The following FRAS1 variants were observed in gnomAD, a reference collection of about 807,000 sequenced individuals.
FRAS1 encodes the protein extracellular matrix organizing protein FRAS1.
In FRAS1, 290 loss-of-function variants were observed where a neutral mutation model predicts 435.2. The ratio of observed to expected loss-of-function variants is 0.67; its 90% CI spans 0.61 to 0.73. The LOEUF (loss-of-function observed/expected upper bound fraction) is 0.73, where lower values mean the gene tolerates loss of function less well. Among genes scored for constraint, FRAS1 ranks in the 30% least tolerant of loss-of-function variants. FRAS1 has a pLI of 0.00. For synonymous variants in FRAS1, 1,800 were observed against 1,851.0 expected (o/e 0.97, Z 0.71); for missense variants, 4,860 against 5,001.5 (o/e 0.97, Z 0.85).
intron 2 of FRAS1, among the ~76,000 whole-genome samples, chr4:78,162,885 G>T (rs1243415300): frequency 6.6e-6 from 1 of 152,192 alleles, no homozygotes; most frequent in African/African-American, 2.4e-5. Flanking sequence ...AAACAATAAG[G>T]TGGAATTATC....
intron 5 of FRAS1, among the ~76,000 whole-genome samples, 164 bp from the exon 6 acceptor site, chr4:78,255,078 C>T (rs1725728462): frequency 6.6e-6 from 1 of 152,170 alleles, no homozygotes; most frequent in South Asian, 2.1e-4. Context: ...AACACAAATT[C>T]AGAGATTTCA....
intron 47 of FRAS1, 35 bp downstream of exon 47, chr4:78,452,389 A>C: frequency 6.5e-7 from 1 of 1,538,532 alleles, no homozygotes; most frequent in Non-Finnish European, 8.8e-7. Context: ...CTGAATCAAA[A>C]CTTAGACCTT....
chr4:78,062,178 A>G (rs1739788722), intron 1 of FRAS1, among the ~76,000 whole-genome samples: 3 of 152,170 alleles, frequency 2.0e-5, no homozygotes, highest in Admixed American at 2.0e-4. Flanking sequence ...TCTTTAACAC[A>G]TGGCTCAGAG....
chr4:78,118,794 C>T (rs574011547), intron 2 of FRAS1, among the ~76,000 whole-genome samples: 14 of 152,290 alleles, frequency 9.2e-5, no homozygotes, highest in East Asian at 1.9e-4. Flanking sequence ...CACCCTCCTT[C>T]GGCTTGCACT....
At chr4:78,261,376 TAG>T (rs1726092613) in intron 6 of FRAS1, among the ~76,000 whole-genome samples, 4 of 152,170 alleles carry the variant, frequency 2.6e-5, no homozygotes, top group Admixed American at 2.6e-4. Flanking sequence ...TCTGAATCTT[TAG>T]AGTGTTACTC....
At chr4:78,224,591 A>G (rs1214894374) in intron 2 of FRAS1, among the ~76,000 whole-genome samples, 2 of 152,108 alleles carry the variant, frequency 1.3e-5, no homozygotes, top group African/African-American at 4.8e-5. Context: ...GGAGTGCAGT[A>G]CTGTGATCAT....
At chr4:78,400,919 C>T (rs749122366) in intron 30 of FRAS1, 32 bp downstream of exon 30, 42 of 1,608,516 alleles carry the variant, frequency 2.6e-5, no homozygotes, top group African/African-American at 4.0e-5. Flanking sequence ...GTGGTTTCAT[C>T]GTTGCATTCA....
chr4:78,243,039 C>A (rs1167063888), intron 3 of FRAS1, among the ~76,000 whole-genome samples: 2 of 152,132 alleles, frequency 1.3e-5, no homozygotes, highest in African/African-American at 4.8e-5. Context: ...AGAAGCTATC[C>A]TGTCTAAGGA....
intron 2 of FRAS1, among the ~76,000 whole-genome samples, chr4:78,217,128 G>A (rs1433796115): frequency 6.6e-5 from 10 of 152,154 alleles, no homozygotes; most frequent in Admixed American, 6.5e-4. Context: ...TGGTTGGTAT[G>A]GGCAGAAGCT....
intron 2 of FRAS1, among the ~76,000 whole-genome samples, chr4:78,113,135 T>C (rs1216799643): frequency 1.3e-5 from 2 of 152,226 alleles, no homozygotes; most frequent in South Asian, 2.1e-4. Flanking sequence ...GCTTCATCCA[T>C]GTCCCTACAA....
At position 78,517,463 on chromosome 4, in the gene FRAS1, A is replaced by G. The variant is rs1578369632; in HGVS notation, c.10389+1450A>G. 2.0e-5 allele frequency among the ~76,000 whole-genome samples: 3 copies of G among 152,366 alleles called. No individual in the cohort carries two copies. In the South Asian group the frequency reaches 6.2e-4, roughly 32 times the overall value. On this transcript the variant is annotated intron_variant, in intron 66 of 73. Coordinates refer to ENST00000512123, the MANE Select transcript of FRAS1 (RefSeq NM_025074.7). ...AAACTCAAAGACAAGGATTTGTTAT[A>G]TATAATCCCACTTTTAAACCAACAC...
intron 70 of FRAS1, among the ~76,000 whole-genome samples, chr4:78,530,484 A>G (rs1274086384): frequency 6.6e-6 from 1 of 152,198 alleles, no homozygotes; most frequent in Non-Finnish European, 1.5e-5. Flanking sequence ...CAACACACAT[A>G]CAAAATCAAG....
At chr4:78,092,720 T>C (rs770677605) in intron 2 of FRAS1, among the ~76,000 whole-genome samples, 4 of 152,204 alleles carry the variant, frequency 2.6e-5, no homozygotes, top group Non-Finnish European at 4.4e-5. Flanking sequence ...TAGGGAGACA[T>C]GGGCTTCAAT....
chr4:78,432,360 A>G lies in FRAS1; in HGVS notation c.4973A>G (p.Asp1658Gly), dbSNP rs369953023. 14 of 1,592,572 alleles carry G rather than the reference A, an allele frequency of 8.8e-6. No homozygotes were observed. In the African/African-American group the frequency reaches 1.3e-4, roughly 15 times the overall value. Reference sequence around the variant, plus strand: ...CAATTTGTTTTATTCTTGGAAGGTGACACTTTCACCTATGAGGATGTTGAG... The same window carrying G: ...CAATTTGTTTTATTCTTGGAAGGTGGCACTTTCACCTATGAGGATGTTGAG... ...AEFRRPMATGDTFTYEDVEKN... is the reference protein window; with the variant it reads ...AEFRRPMATGGTFTYEDVEKN... The change falls in exon 38 of 74, where the codon GAC (aspartate) becomes GGC (glycine). Residue 1658 changes from aspartate to glycine, a missense_variant. Physicochemically the swap from Asp to Gly is moderately conservative, Grantham distance 94 (BLOSUM62 -1). Coordinates refer to ENST00000512123, the MANE Select transcript of FRAS1 (RefSeq NM_025074.7).
At chr4:78,501,992 T>G (rs1176799383) in intron 61 of FRAS1, among the ~76,000 whole-genome samples, 1 of 152,228 alleles carries the variant, frequency 6.6e-6, no homozygotes, top group Non-Finnish European at 1.5e-5. Flanking sequence ...ATTTCCCCAT[T>G]GCTTTTGTCA....
chr4:78,162,973 G>GT, intron 2 of FRAS1, among the ~76,000 whole-genome samples: 1 of 152,272 alleles, frequency 6.6e-6, no homozygotes, highest in Non-Finnish European at 1.5e-5. Flanking sequence ...GGATGAGCCC[G>GT]TTTCTTTCTC....
intron 35 of FRAS1, among the ~76,000 whole-genome samples, chr4:78,427,788 A>G (rs1164508153): frequency 6.6e-6 from 1 of 152,234 alleles, no homozygotes; most frequent in Non-Finnish European, 1.5e-5. Flanking sequence ...AAATTTAACC[A>G]TATCTTTCAG....
intron 34 of FRAS1, among the ~76,000 whole-genome samples, chr4:78,424,158 G>A (rs182932369): frequency 1.9e-4 from 29 of 152,246 alleles, no homozygotes; most frequent in Admixed American, 1.6e-3. Context: ...TAACTGCTGC[G>A]ATATAAAATT....
intron 9 of FRAS1, among the ~76,000 whole-genome samples, chr4:78,268,872 C>T (rs1412870965): frequency 6.6e-6 from 1 of 152,216 alleles, no homozygotes; most frequent in African/African-American, 2.4e-5. Context: ...CACCCCATAA[C>T]ACCGTCTCAT....
Sources: gnomAD v4.1 joint callset for allele counts (sites outside exome capture counted in the v4.1 genomes callset) on GRCh38, gnomAD v4.1.1 for gene constraint, MANE v1.5 for transcripts, NCBI Gene and HGNC (gene_info 2026-07-23, HGNC 2026-07-21) for gene names.